The following ZNF487 variants were observed in gnomAD, a reference collection of about 807,000 sequenced individuals.
ZNF487 encodes KRAB domain only 1.
ZNF487 carries 4 observed loss-of-function variants against 3.0 expected under a neutral mutation model. That is an observed-to-expected ratio of 1.35 (90% CI 0.66 to 3.08). The LOEUF (loss-of-function observed/expected upper bound fraction) is 3.08. ZNF487 is among the 30% of genes most tolerant of loss of function. The pLI, the probability that ZNF487 is intolerant of heterozygous loss-of-function variation, is 0.01. For missense variants in ZNF487, 146 were observed against 98.7 expected (o/e 1.48, Z -2.03); for synonymous variants, 55 against 34.6 (o/e 1.59, Z -2.06).
At position 43,437,266 on chromosome 10, in the gene ZNF487, A is replaced by C. The variant is rs539477370; in HGVS notation, c.-94+4A>C. On this transcript the variant is annotated splice_donor_region_variant and intron_variant, in intron 1 of 3. Transcript: ENST00000437590. The stretch of plus-strand genomic sequence containing the variant: ...GCGTGGAGCCTCCGAGGCCGAGGTG[A>C]GGGGCGGCCGGCGGGCAGGGGCCGG... 19 of 204,710 alleles carry C rather than the reference A, an allele frequency of 9.3e-5. 1 individual carries two copies. In the South Asian group the frequency reaches 9.8e-4, roughly 11 times the overall value. The allele number at this position is 204,710 out of a possible 1,614,324, so 12.7% of individuals were successfully genotyped here. A position where few individuals can be genotyped will look rare whatever the true frequency, so the allele number is the denominator to read the frequency against.
chr10:43,468,988 C>CAAAA (rs59076073), intron 1 of ZNF487, among the ~76,000 whole-genome samples: 24 of 60,934 alleles, frequency 3.9e-4, no homozygotes, highest in African/African-American at 8.6e-4. Context: ...GACTCTATCT[C>CAAAA]AAAAAAAAAA....
chr10:43,501,855 C>A, the ZNF487 span, among the ~76,000 whole-genome samples: 13 of 151,868 alleles, frequency 8.6e-5, no homozygotes, highest in Admixed American at 6.6e-4. Flanking sequence ...GTGCAGTAAC[C>A]ATTTACAATA....
the ZNF487 span, among the ~76,000 whole-genome samples, chr10:43,521,047 G>A: frequency 1.3e-5 from 2 of 152,224 alleles, no homozygotes; most frequent in East Asian, 1.9e-4. Flanking sequence ...GTAAGAACAG[G>A]GTGATAGTTG....
At chr10:43,474,775 G>T (rs748046705) in intron 1 of ZNF487, among the ~76,000 whole-genome samples, 2 of 151,932 alleles carry the variant, frequency 1.3e-5, no homozygotes, top group Non-Finnish European at 2.9e-5. Context: ...TAGAGACAGG[G>T]TTTCACCACA....
chr10:43,463,801 T>C (rs1840533179), intron 1 of ZNF487, among the ~76,000 whole-genome samples: 1 of 151,834 alleles, frequency 6.6e-6, no homozygotes, highest in Non-Finnish European at 1.5e-5. Context: ...TTTTTTATTA[T>C]CTATTATGGC....
chr10:43,476,208 T>A lies in ZNF487; in HGVS notation c.130+6T>A. ...CCCAAGTCAGAGCCACCTAGGTGAGTTAATAAATATATAGGAAGCTATAAT... is the reference window on the plus strand; with the variant it reads ...CCCAAGTCAGAGCCACCTAGGTGAGATAATAAATATATAGGAAGCTATAAT... On this transcript the variant is annotated splice_donor_region_variant and intron_variant, in intron 3 of 3. Coordinates refer to ENST00000437590, the MANE Select transcript of ZNF487 (RefSeq NM_001355444.3). 1 of 716,312 alleles carries A rather than the reference T, an allele frequency of 1.4e-6. No individual in the cohort carries two copies. The highest frequency in any genetic ancestry group is 1.7e-5 in the African/African-American group (1 of 57,310). The allele number at this position is 716,312 out of a possible 1,614,324, so 44.4% of individuals were successfully genotyped here. A position where few individuals can be genotyped will look rare whatever the true frequency, so the allele number is the denominator to read the frequency against.
chr10:43,442,262 C>T (rs1050936677), intron 1 of ZNF487, among the ~76,000 whole-genome samples: 1 of 146,384 alleles, frequency 6.8e-6, no homozygotes, highest in Non-Finnish European at 1.5e-5. Context: ...ACAACAACAA[C>T]AACAACAAAA....
intron 1 of ZNF487, among the ~76,000 whole-genome samples, chr10:43,475,501 C>T (rs535911760): frequency 6.6e-6 from 1 of 150,458 alleles, no homozygotes; most frequent in East Asian, 1.9e-4. Flanking sequence ...AGTGATAGCG[C>T]AAGACCCCGT....
At chr10:43,446,098 C>T (rs1839786487) in intron 1 of ZNF487, among the ~76,000 whole-genome samples, 1 of 152,242 alleles carries the variant, frequency 6.6e-6, no homozygotes. Context: ...GACACAGTAA[C>T]AATCTGATCT....
At chr10:43,444,209 A>G (rs1253760180) in intron 1 of ZNF487, among the ~76,000 whole-genome samples, 1 of 152,172 alleles carries the variant, frequency 6.6e-6, no homozygotes, top group East Asian at 1.9e-4. Context: ...AGAAAGCGAC[A>G]GATTTTCTTA....
chr10:43,438,859 T>C (rs945968759), intron 1 of ZNF487, among the ~76,000 whole-genome samples: 2 of 152,120 alleles, frequency 1.3e-5, no homozygotes, highest in Non-Finnish European at 2.9e-5. Context: ...GGTGGGAGGA[T>C]TGCTTGAGTC....
the ZNF487 span, among the ~76,000 whole-genome samples, chr10:43,500,257 A>G: frequency 2.0e-5 from 3 of 151,240 alleles, no homozygotes; most frequent in Non-Finnish European, 4.4e-5. Context: ...TGATCCTTTC[A>G]CCTAGCCCTT....
At chr10:43,484,052 A>G (rs1010300270), downstream of ZNF487, among the ~76,000 whole-genome samples, 5 of 151,636 alleles carry the variant, frequency 3.3e-5, no homozygotes, top group African/African-American at 1.2e-4. Flanking sequence ...TATTTTTAGT[A>G]GAGACAGGGT....
chr10:43,444,160 G>A (rs1839721007), intron 1 of ZNF487, among the ~76,000 whole-genome samples: 1 of 152,128 alleles, frequency 6.6e-6, no homozygotes, highest in Non-Finnish European at 1.5e-5. Context: ...GCTCCTAAAA[G>A]TTTTCTAACA....
Position 43,437,133 on chromosome 10 carries a change from A to G in ZNF487, c.-223A>G, listed in dbSNP as rs1839415632. The G allele has an allele frequency of 3.4e-6, 1 of 298,284 alleles. No individual in the cohort carries two copies. Among genetic ancestry groups the G allele is most frequent in the South Asian group, 2.4e-5 (1 of 41,618 alleles). 18.5% of individuals were successfully genotyped at this position (298,284 alleles called of 1,614,324 possible). ...CCCAGGGAGCGCTGCGGCAGTTTCC[A>G]TGGTGAGATGGTCAACAAGCCTGTA... On this transcript the variant is annotated 5_prime_UTR_variant, in exon 1 of 4. It removes an upstream start codon present in the reference 5' UTR. Coordinates refer to ENST00000437590, the MANE Select transcript of ZNF487 (RefSeq NM_001355444.3).
At chr10:43,452,492 C>T (rs1274234114) in intron 1 of ZNF487, 1 of 151,008 alleles carries the variant, frequency 6.6e-6, no homozygotes, top group African/African-American at 2.4e-5. Flanking sequence ...GCTGGAACCA[C>T]GGGGGTGTGC....
chr10:43,436,882 C>T (rs1421612835), upstream of ZNF487: 3 of 469,090 alleles, frequency 6.4e-6, no homozygotes, highest in Non-Finnish European at 1.3e-5. Flanking sequence ...TCCCAGCGAC[C>T]TTCGCTTTCG....
chr10:43,445,683 A>AT lies in ZNF487; in HGVS notation c.-94+8430dup, dbSNP rs564459531. Among the ~76,000 whole-genome samples, 316 of 147,374 alleles carry AT rather than the reference A, an allele frequency of 2.1e-3. 1 individual carries two copies. The highest frequency in any genetic ancestry group is 7.5e-3 in the African/African-American group (296 of 39,722). On this transcript the variant is annotated intron_variant, in intron 1 of 3. Transcript: ENST00000437590. The stretch of plus-strand genomic sequence containing the variant: ...AAAAATTTTATTTTATTTTGTTTTA[A>AT]TTTTTTTTTAGTATTTATTGATCAT...
At chr10:43,522,897 T>A in the ZNF487 span, among the ~76,000 whole-genome samples, 1 of 152,214 alleles carries the variant, frequency 6.6e-6, no homozygotes, top group African/African-American at 2.4e-5. Context: ...TCACCTGATT[T>A]TTTTTCTGGC....
Sources: gnomAD v4.1 joint callset for allele counts (sites outside exome capture counted in the v4.1 genomes callset) on GRCh38, gnomAD v4.1.1 for gene constraint, MANE v1.5 for transcripts, NCBI Gene and HGNC (gene_info 2026-07-23, HGNC 2026-07-21) for gene names.